RSPO4: variants seen among roughly 807,000 people sequenced by gnomAD.
The protein encoded by RSPO4 is R-spondin 4, also known as R-spondin-4.
Under a neutral mutation model 24.8 loss-of-function variants are expected in RSPO4, and 23 were observed. The ratio of observed to expected loss-of-function variants is 0.93; its 90% confidence interval spans 0.67 to 1.31. The LOEUF (loss-of-function observed/expected upper bound fraction) is 1.31. RSPO4 is among the 40% of genes most tolerant of loss of function. RSPO4 has a pLI of 0.00. For synonymous variants in RSPO4, 141 were observed against 127.4 expected (o/e 1.11, Z -0.72); for missense variants, 333 against 316.5 (o/e 1.05, Z -0.39).
intron 1 of RSPO4, among the ~76,000 whole-genome samples, chr20:976,665 G>A (rs1190628884): frequency 6.6e-6 from 1 of 151,894 alleles, no homozygotes; most frequent in East Asian, 1.9e-4. Context: ...CTTCCCTGAG[G>A]GGTCAAAAAT....
chr20:961,719 G>T (rs1395581249), intron 4 of RSPO4, among the ~76,000 whole-genome samples: 1 of 152,020 alleles, frequency 6.6e-6, no homozygotes, highest in Non-Finnish European at 1.5e-5. Context: ...CAGTGGCTTT[G>T]TGTCCCTACC....
At chr20:982,957 CAG>C (rs1367170184) in intron 1 of RSPO4, among the ~76,000 whole-genome samples, 1 of 152,154 alleles carries the variant, frequency 6.6e-6, no homozygotes, top group Non-Finnish European at 1.5e-5. Context: ...CTCAGTGTCA[CAG>C]GGATTGGGGG....
intron 1 of RSPO4, among the ~76,000 whole-genome samples, chr20:975,194 C>A (rs1203297488): frequency 6.6e-6 from 1 of 152,206 alleles, no homozygotes; most frequent in Non-Finnish European, 1.5e-5. Flanking sequence ...GGAGCACCAC[C>A]TATCCAACCT....
At position 960,353 on chromosome 20, in the gene RSPO4, G is replaced by A. The variant is rs930180877; in HGVS notation, c.*4C>T. On this transcript the variant is annotated 3_prime_UTR_variant, in exon 5 of 5. Coordinates refer to ENST00000217260, the MANE Select transcript of RSPO4 (RefSeq NM_001029871.4). ...TAGGACCAGAGAGTCGGGAGAGCCG[G>A]CGGTCAGGGCTGCAGGCCGGGCTGG... The A allele has an allele frequency of 1.3e-6, 2 of 1,533,834 alleles. No individual in the cohort carries two copies. The highest frequency in any genetic ancestry group is 3.9e-5 in the Admixed American group (2 of 50,990).
chr20:1,001,024 C>T (rs1413528301), intron 1 of RSPO4, among the ~76,000 whole-genome samples: 2 of 152,252 alleles, frequency 1.3e-5, no homozygotes, highest in Non-Finnish European at 2.9e-5. Flanking sequence ...TATCCTTGCT[C>T]AGACCCGATG....
Position 961,283 on chromosome 20 carries a change from A to T in RSPO4, c.596-817T>A, listed in dbSNP as rs543734799. Among the ~76,000 whole-genome samples the T allele has an allele frequency of 2.6e-5, 4 of 152,208 alleles. No homozygotes were observed. The East Asian group carries it at 7.7e-4, about 29-fold the overall frequency. The stretch of plus-strand genomic sequence containing the variant: ...CTCCACACCCAGGACATTCTCCTAC[A>T]TTGCTTGGGCCCCATTCAGTTCCCC... On this transcript the variant is annotated intron_variant, in intron 4 of 4. Coordinates refer to ENST00000217260, the MANE Select transcript of RSPO4 (RefSeq NM_001029871.4).
chr20:970,772 C>T lies in RSPO4; in HGVS notation c.80-2634G>A, dbSNP rs904885715. On this transcript the variant is annotated intron_variant, in intron 1 of 4. Transcript: ENST00000217260. This position sits in a 1 kb window ranked among gnomAD's most constrained non-coding sequence, Gnocchi z 4.1. ...TCACCTTAGATAGGAGTGTAAACTT[C>T]GGGGAAAAATCTAGCAGTACCTAAT... 3.2e-4 allele frequency among the ~76,000 whole-genome samples: 49 copies of T among 152,260 alleles called. No individual in the cohort carries two copies. The highest frequency in any genetic ancestry group is 9.6e-4 in the African/African-American group (40 of 41,534).
intron 3 of RSPO4, among the ~76,000 whole-genome samples, chr20:964,764 A>G (rs1201458407): frequency 2.3e-5 from 2 of 86,730 alleles, no homozygotes; most frequent in African/African-American, 1.6e-4. Flanking sequence ...ACATATATAT[A>G]CACACACACA....
chr20:969,068 C>G (rs145448112), intron 1 of RSPO4, among the ~76,000 whole-genome samples: 5 of 152,194 alleles, frequency 3.3e-5, no homozygotes, highest in African/African-American at 1.2e-4. Flanking sequence ...GTCATCCCAG[C>G]ATTTTGGGAG....
At chr20:973,459 ATTGTTTGT>A (rs138891857) in intron 1 of RSPO4, among the ~76,000 whole-genome samples, 17,638 of 150,568 alleles carry the variant, frequency 0.12, 2,221 homozygotes, top group African/African-American at 0.32. Context: ...TGTTTGTTTT[ATTGTTTGT>A]TTGTTTGTTT....
At chr20:977,538 G>A (rs1371724487) in intron 1 of RSPO4, among the ~76,000 whole-genome samples, 10 of 152,160 alleles carry the variant, frequency 6.6e-5, no homozygotes. Flanking sequence ...ATCACCACCT[G>A]CCCTGCCTGT....
At chr20:964,458 G>A (rs186598468) in intron 3 of RSPO4, among the ~76,000 whole-genome samples, 169 of 152,164 alleles carry the variant, frequency 1.1e-3, no homozygotes, top group African/African-American at 3.8e-3. Context: ...AGCCTTGGGA[G>A]CCCGGCCCAC....
rs182987921 is a variant in RSPO4, at chr20:1,000,144, C to G, written c.79+1942G>C. Among the ~76,000 whole-genome samples the G allele has an allele frequency of 1.6e-4, 25 of 152,278 alleles. No individual in the cohort carries two copies. The East Asian group carries it at 4.8e-3, about 29-fold the overall frequency. On this transcript the variant is annotated intron_variant, in intron 1 of 4. Transcript: ENST00000217260. Reference sequence around the variant, plus strand: ...TTGGCCTCCCAAAGTGCTGGTATTACAGGCGTGAGCCACCACACCTGGCCT... The same window carrying G: ...TTGGCCTCCCAAAGTGCTGGTATTAGAGGCGTGAGCCACCACACCTGGCCT...
At chr20:975,777 G>A (rs1293206300) in intron 1 of RSPO4, among the ~76,000 whole-genome samples, 1 of 152,116 alleles carries the variant, frequency 6.6e-6, no homozygotes, top group Non-Finnish European at 1.5e-5. Flanking sequence ...TATGAGCTTT[G>A]GGGCAGTTGT....
Position 960,211 on chromosome 20 carries a change from T to C in RSPO4, c.*146A>G, listed in dbSNP as rs1033943511. ...AAAGAAAAAGAAAGGGAAGGTAGAC[T>C]GACAGAAAAATGATAGAAGGGTGGA... On this transcript the variant is annotated 3_prime_UTR_variant, in exon 5 of 5. Coordinates refer to ENST00000217260, the MANE Select transcript of RSPO4 (RefSeq NM_001029871.4). The C allele has an allele frequency of 6.4e-6, 4 of 625,356 alleles. No individual in the cohort carries two copies. The highest frequency in any genetic ancestry group is 1.1e-5 in the Non-Finnish European group (4 of 351,360). 38.7% of individuals were successfully genotyped at this position (625,356 alleles called of 1,614,324 possible).
chr20:996,927 T>TC (rs1343491434), intron 1 of RSPO4, among the ~76,000 whole-genome samples: 3 of 151,856 alleles, frequency 2.0e-5, no homozygotes, highest in Non-Finnish European at 2.9e-5. Flanking sequence ...TAAATCCTAC[T>TC]CCCCCCGATG....
chr20:985,462 A>G (rs1390724027), intron 1 of RSPO4, among the ~76,000 whole-genome samples: 1 of 152,250 alleles, frequency 6.6e-6, no homozygotes, highest in East Asian at 1.9e-4. Flanking sequence ...AAAGACATAC[A>G]AAATCATACT....
chr20:960,449 T>C lies in RSPO4; in HGVS notation c.613A>G (p.Lys205Glu). The C allele has an allele frequency of 6.5e-7, 1 of 1,539,336 alleles. No homozygotes were observed. Among genetic ancestry groups the C allele is most frequent in the Non-Finnish European group, 8.7e-7 (1 of 1,146,992 alleles). The stretch of plus-strand genomic sequence containing the variant: ...GGGCGCCGGTCCTTCCTGCCCTTCT[T>C]CTGGCCGGGGCTCCTCTCTGCAATG... ...PCPGERSPGQ[K>E]KGRKDRRPRK... Residue 205 changes from lysine (K) to glutamate (E), a missense_variant, in exon 5 of 5, where the codon AAG (lysine) becomes GAG (glutamate). Transcript: ENST00000217260.
In RSPO4 at chr20:967,801, GTCAGCCTGGACACAGGCAGGTATC is replaced by G. The variant is rs1233774432; in HGVS notation, c.268+125_268+148del. 3 of 848,916 alleles carry G rather than the reference GTCAGCCTGGACACAGGCAGGTATC, an allele frequency of 3.5e-6. No homozygotes were observed. The African/African-American group carries it at 5.0e-5, about 14-fold the overall frequency. The allele number at this position is 848,916 out of a possible 1,614,324, so 52.6% of individuals were successfully genotyped here. A position where few individuals can be genotyped will look rare whatever the true frequency, so the allele number is the denominator to read the frequency against. On this transcript the variant is annotated intron_variant, in intron 2 of 4. Coordinates refer to ENST00000217260, the MANE Select transcript of RSPO4 (RefSeq NM_001029871.4). ...GGACTGACTTGCCTCGGGCTGCGGA[GTCAGCCTGGACACAGGCAGGTATC>G]TCAGAGTCTGGGCTTAGACATGCAC...
Sources: allele counts gnomAD v4.1 joint callset (sites outside exome capture counted in the v4.1 genomes callset), GRCh38; gene constraint gnomAD v4.1.1; non-coding constraint Gnocchi (gnomAD v3.1); transcripts MANE v1.5; gene names NCBI Gene and HGNC (gene_info 2026-07-23, HGNC 2026-07-21).